The following BCL2L1 variants were observed in gnomAD, a reference collection of about 807,000 sequenced individuals.
BCL2L1 encodes the protein bcl-2-like protein 1.
Under a neutral mutation model 18.7 loss-of-function variants are expected in BCL2L1, and 1 was observed. The observed-to-expected ratio is 0.05, with a 90% CI of 0.02 to 0.25. The LOEUF (loss-of-function observed/expected upper bound fraction) is 0.25, where lower values mean the gene tolerates loss of function less well. BCL2L1 is among the 10% of genes least tolerant of loss of function. The probability of loss-of-function intolerance (pLI) is 1.00; values close to 1 mark genes in which losing one functional copy is unlikely to be tolerated. For missense variants in BCL2L1, 207 were observed against 304.9 expected, an observed-to-expected ratio of 0.68 and a Z score of 2.39; for synonymous variants, 103 against 122.7, an observed-to-expected ratio of 0.84 and a Z score of 1.06.
upstream of BCL2L1, chr20:31,723,711 G>A (rs1227266798): frequency 1.0e-6 from 1 of 985,508 alleles, no homozygotes; most frequent in South Asian, 4.7e-5. Context: ...CGGCTGTCAC[G>A]CACAGGGGAG....
In BCL2L1 at chr20:31,721,943, C is replaced by T. The variant is rs1159138040; in HGVS notation, c.276G>A (p.Glu92=). 1 of 1,614,210 alleles carries T rather than the reference C, an allele frequency of 6.2e-7. No individual in the cohort carries two copies. The highest frequency in any genetic ancestry group is 1.1e-5 in the South Asian group (1 of 91,086). Residue 92 remains glutamate (E), a synonymous_variant, in exon 2 of 3, where the codon GAG becomes GAA. Coordinates refer to ENST00000307677, the MANE Select transcript of BCL2L1 (RefSeq NM_138578.3). ...ACCGCAGTTCAAACTCGTCGCCTGC[C>T]TCCCTCAGCGCTTGCTTTACTGCTG... is the stretch of plus-strand genomic sequence containing the variant. ...PMAAVKQALR[E]AGDEFELRYR...
At chr20:31,694,582 C>T (rs753323679) in intron 2 of BCL2L1, among the ~76,000 whole-genome samples, 3 of 152,138 alleles carry the variant, frequency 2.0e-5, no homozygotes, top group Non-Finnish European at 4.4e-5. Context: ...GACCTTGAGG[C>T]CCTGGGACTT....
In BCL2L1 at chr20:31,721,989, G is replaced by A. The variant is rs776915418; in HGVS notation, c.230C>T (p.Ala77Val). The change falls in exon 2 of 3, where the codon GCC becomes GTC. Residue 77 changes from alanine to valine, a missense_variant. Transcript: ENST00000307677. ...GATGHSSSLDAREVIPMAAVK... is the reference protein window; with the variant it reads ...GATGHSSSLDVREVIPMAAVK... Reference sequence around the variant, plus strand: ...TGCTGCCATGGGGATCACCTCCCGGGCATCCAAACTGCTGCTGTGGCCAGT... The same window carrying A: ...TGCTGCCATGGGGATCACCTCCCGGACATCCAAACTGCTGCTGTGGCCAGT... 11 of 1,614,090 alleles carry A rather than the reference G, an allele frequency of 6.8e-6. No homozygotes were observed. Among genetic ancestry groups the A allele is most frequent in the Non-Finnish European group, 9.3e-6 (11 of 1,179,998 alleles).
At chr20:31,716,633 C>A (rs1433799494) in intron 2 of BCL2L1, 1 of 152,204 alleles carries the variant, frequency 6.6e-6, no homozygotes, top group Non-Finnish European at 1.5e-5. Flanking sequence ...ATCTGCTATG[C>A]CCAAGGCCTC....
intron 2 of BCL2L1, among the ~76,000 whole-genome samples, chr20:31,709,596 G>A (rs573220599): frequency 1.2e-3 from 186 of 152,152 alleles, no homozygotes; most frequent in African/African-American, 4.3e-3. Flanking sequence ...TGCTTTGGGA[G>A]GCTGAGGCGG....
At chr20:31,695,874 T>C (rs1371218641) in intron 2 of BCL2L1, among the ~76,000 whole-genome samples, 1 of 152,218 alleles carries the variant, frequency 6.6e-6, no homozygotes, top group Non-Finnish European at 1.5e-5. Context: ...CTAACTACCC[T>C]ACCCTTCCTT....
At chr20:31,679,178 G>T (rs1444685171) in intron 2 of BCL2L1, among the ~76,000 whole-genome samples, 1 of 152,160 alleles carries the variant, frequency 6.6e-6, no homozygotes, top group African/African-American at 2.4e-5. Context: ...CTGAGATGGT[G>T]AGAAGAGGGC....
chr20:31,687,135 C>T (rs1004750373), intron 2 of BCL2L1, among the ~76,000 whole-genome samples: 4 of 152,066 alleles, frequency 2.6e-5, no homozygotes, highest in African/African-American at 9.7e-5. Flanking sequence ...CTGGTCAAGA[C>T]AACAAGACCT....
At chr20:31,721,459 GAT>G in intron 2 of BCL2L1, 194 bp downstream of exon 2, 1 of 390,438 alleles carries the variant, frequency 2.6e-6, no homozygotes, top group South Asian at 2.6e-5. Flanking sequence ...AAAGATGCCT[GAT>G]CTCTGAAGCA....
chr20:31,693,540 G>C (rs1296786864), intron 2 of BCL2L1, among the ~76,000 whole-genome samples: 3 of 151,204 alleles, frequency 2.0e-5, no homozygotes, highest in Admixed American at 1.3e-4. Context: ...GTTTATTTTT[G>C]TTTGTTTTTA....
At chr20:31,685,230 G>A (rs1251993116) in intron 2 of BCL2L1, among the ~76,000 whole-genome samples, 1 of 151,360 alleles carries the variant, frequency 6.6e-6, no homozygotes, top group Admixed American at 6.6e-5. Flanking sequence ...GTGAAACCCC[G>A]TCTACTAAAA....
intron 2 of BCL2L1, among the ~76,000 whole-genome samples, chr20:31,707,883 T>C (rs1452681325): frequency 6.6e-6 from 1 of 151,744 alleles, no homozygotes; most frequent in Non-Finnish European, 1.5e-5. Flanking sequence ...TTGCCAAGGA[T>C]AACTATTAAG....
intron 2 of BCL2L1, among the ~76,000 whole-genome samples, chr20:31,684,755 G>A (rs1483744975): frequency 3.3e-5 from 5 of 152,178 alleles, no homozygotes; most frequent in Admixed American, 3.3e-4. Flanking sequence ...ATCTTTGAGG[G>A]GCTTAGTGAA....
chr20:31,667,480 G>A (rs1398624571), intron 2 of BCL2L1, among the ~76,000 whole-genome samples: 2 of 69,366 alleles, frequency 2.9e-5, no homozygotes, highest in Admixed American at 1.2e-4. Context: ...AAGTACCATA[G>A]TACCGTGTGT....
intron 2 of BCL2L1, among the ~76,000 whole-genome samples, chr20:31,695,542 C>A (rs980184313): frequency 7.2e-5 from 11 of 152,234 alleles, no homozygotes; most frequent in South Asian, 2.1e-4. Context: ...TCATAGCTCA[C>A]TGCAGCCTCA....
At chr20:31,667,344 C>T (rs2060602735) in intron 2 of BCL2L1, among the ~76,000 whole-genome samples, 1 of 151,794 alleles carries the variant, frequency 6.6e-6, no homozygotes, top group East Asian at 1.9e-4. Context: ...ACCTGTAATC[C>T]CAGTTACTCA....
intron 2 of BCL2L1, chr20:31,720,540 C>G: frequency 1.0e-6 from 1 of 985,438 alleles, no homozygotes; most frequent in Non-Finnish European, 1.2e-6. Flanking sequence ...GGTAAAGAAG[C>G]TTTCACCACC....
chr20:31,699,890 C>T (rs938294058), intron 2 of BCL2L1, among the ~76,000 whole-genome samples: 3 of 152,186 alleles, frequency 2.0e-5, no homozygotes, highest in African/African-American at 7.2e-5. Flanking sequence ...AACCATTATC[C>T]CATTGGATCT....
At chr20:31,699,374 C>T (rs1246086974) in intron 2 of BCL2L1, among the ~76,000 whole-genome samples, 1 of 152,150 alleles carries the variant, frequency 6.6e-6, no homozygotes, top group Non-Finnish European at 1.5e-5. Flanking sequence ...TGTCACCTTC[C>T]CAAACCTCCT....
Sources: gnomAD v4.1 joint callset for allele counts (sites outside exome capture counted in the v4.1 genomes callset) on GRCh38, gnomAD v4.1.1 for gene constraint, MANE v1.5 for transcripts, NCBI Gene and HGNC (gene_info 2026-07-23, HGNC 2026-07-21) for gene names.